The following IMMT variants were observed in gnomAD, a reference collection of about 807,000 sequenced individuals.
The protein encoded by IMMT is inner membrane mitochondrial protein, also known as MICOS complex subunit MIC60.
IMMT carries 40 observed loss-of-function variants against 92.7 expected under a neutral mutation model. The ratio of observed to expected loss-of-function variants is 0.43; its 90% CI spans 0.34 to 0.56. The LOEUF (loss-of-function observed/expected upper bound fraction) is 0.56, where lower values mean the gene tolerates loss of function less well. IMMT is among the 20% of genes least tolerant of loss of function. The pLI, the probability that IMMT is intolerant of heterozygous loss-of-function variation, is 0.03. For missense variants in IMMT, 831 were observed against 912.1 expected (o/e 0.91, Z 1.14); for synonymous variants, 322 against 336.1 (o/e 0.96, Z 0.46).
chr2:86,149,030 T>C (rs1366651076), intron 12 of IMMT, among the ~76,000 whole-genome samples: 4 of 148,726 alleles, frequency 2.7e-5, no homozygotes, highest in African/African-American at 5.3e-5. Flanking sequence ...GAGATTGTGA[T>C]ACATATTTCT....
At chr2:86,146,478 C>T (rs1319611916) in intron 13 of IMMT, among the ~76,000 whole-genome samples, 34 of 151,118 alleles carry the variant, frequency 2.2e-4, no homozygotes, top group Non-Finnish European at 5.9e-5. Context: ...TCAAGTGATT[C>T]TCCTGCCTCA....
At chr2:86,152,167 A>C (rs1675506832) in intron 11 of IMMT, among the ~76,000 whole-genome samples, 2 of 152,098 alleles carry the variant, frequency 1.3e-5, no homozygotes, top group African/African-American at 2.4e-5. Context: ...CCAGCCAGGC[A>C]CAGTGGCTCA....
chr2:86,166,247 C>T (rs868280862), intron 7 of IMMT, among the ~76,000 whole-genome samples: 1 of 152,300 alleles, frequency 6.6e-6, no homozygotes. Context: ...AGGAGAATCG[C>T]TTGAACCTGG....
At chr2:86,163,385 A>C (rs1676428911) in intron 7 of IMMT, among the ~76,000 whole-genome samples, 1 of 152,194 alleles carries the variant, frequency 6.6e-6, no homozygotes, top group African/African-American at 2.4e-5. Context: ...CCTATTTAGA[A>C]GTAGTGATGA....
rs1212863928 is a variant in IMMT at position 86,195,302 on chromosome 2, G to C, written c.45+36C>G. On this transcript the variant is annotated intron_variant, in intron 1 of 14. Transcript: ENST00000410111. ...GTTTTTCGCTGACGGTTCTAGTTCA[G>C]CCTCCTCACGCGCCTCCGGGAGCCC... The C allele has an allele frequency of 2.6e-6, 4 of 1,521,740 alleles. No individual in the cohort carries two copies. The South Asian group carries it at 4.9e-5, about 19-fold the overall frequency. The allele number at this position is 1,521,740 out of a possible 1,614,324, so 94.3% of individuals were successfully genotyped here. A position where few individuals can be genotyped will look rare whatever the true frequency, so the allele number is the denominator to read the frequency against.
chr2:86,184,105 ATTT>A (rs141085376), intron 1 of IMMT, among the ~76,000 whole-genome samples: 2 of 151,162 alleles, frequency 1.3e-5, no homozygotes, highest in African/African-American at 4.9e-5. Context: ...GTATTGTATC[ATTT>A]TTTTTTCATC....
chr2:86,175,121 C>A (rs995657373), intron 3 of IMMT, among the ~76,000 whole-genome samples: 4 of 152,126 alleles, frequency 2.6e-5, no homozygotes, highest in African/African-American at 9.7e-5. Flanking sequence ...CCTCTAATTT[C>A]TTTTCCTGTG....
At chr2:86,146,879 G>A (rs1197971254) in intron 13 of IMMT, among the ~76,000 whole-genome samples, 1 of 152,192 alleles carries the variant, frequency 6.6e-6, no homozygotes, top group Non-Finnish European at 1.5e-5. Flanking sequence ...TCATGCCTCA[G>A]CCTCCGGAGT....
chr2:86,149,105 C>T (rs563455998), intron 12 of IMMT, among the ~76,000 whole-genome samples: 34 of 152,292 alleles, frequency 2.2e-4, no homozygotes, highest in African/African-American at 7.5e-4. Context: ...TCCTTTTCCC[C>T]CACCTTACAT....
intron 3 of IMMT, among the ~76,000 whole-genome samples, chr2:86,179,231 A>G (rs906231129): frequency 6.6e-6 from 1 of 152,208 alleles, no homozygotes; most frequent in Admixed American, 6.5e-5. Context: ...TTTAAAGTAT[A>G]TGGGAGGGTA....
At chr2:86,168,695 G>A (rs34640754) in intron 6 of IMMT, among the ~76,000 whole-genome samples, 1 of 152,152 alleles carries the variant, frequency 6.6e-6, no homozygotes, top group African/African-American at 2.4e-5. Context: ...GAGAAAAAAA[G>A]ATGATTTTGA....
At chr2:86,156,330 G>A (rs866810194) in intron 10 of IMMT, among the ~76,000 whole-genome samples, 3 of 152,100 alleles carry the variant, frequency 2.0e-5, no homozygotes, top group African/African-American at 4.8e-5. Flanking sequence ...GGTGTCTCAC[G>A]CCTGTAATCC....
chr2:86,186,155 A>G (rs1672754370), intron 1 of IMMT, among the ~76,000 whole-genome samples: 1 of 152,198 alleles, frequency 6.6e-6, no homozygotes, highest in African/African-American at 2.4e-5. Context: ...TACCCTAGGG[A>G]CCACATTCAA....
At chr2:86,154,763 A>T (rs1446671728) in intron 10 of IMMT, among the ~76,000 whole-genome samples, 1 of 152,208 alleles carries the variant, frequency 6.6e-6, no homozygotes, top group South Asian at 2.1e-4. Flanking sequence ...CACCACAATC[A>T]CAAGTATCAC....
intron 7 of IMMT, among the ~76,000 whole-genome samples, chr2:86,164,905 C>T (rs1037793524): frequency 6.6e-6 from 1 of 152,160 alleles, no homozygotes; most frequent in Non-Finnish European, 1.5e-5. Flanking sequence ...CCAAATCCAA[C>T]TCTTCACAAA....
chr2:86,181,230 C>T, intron 2 of IMMT, 69 bp downstream of exon 2: 1 of 1,189,328 alleles, frequency 8.4e-7, no homozygotes, highest in Non-Finnish European at 1.3e-6. Flanking sequence ...TTCCCATATT[C>T]AAGGAAAACA....
Position 86,154,872 on chromosome 2 carries a change from C to T in IMMT, c.1163-1298G>A, listed in dbSNP as rs1675737421. On this transcript the variant is annotated intron_variant, in intron 10 of 14. Coordinates refer to ENST00000410111, the MANE Select transcript of IMMT (RefSeq NM_006839.3). ...TGCTGAACATCCTGGTATGAACGTC[C>T]TTTTTTTTTTTGAGACGGAGTCTCC... Among the ~76,000 whole-genome samples, 5 of 146,800 alleles carry T rather than the reference C, an allele frequency of 3.4e-5. No homozygotes were observed. The East Asian group carries it at 9.9e-4, about 29-fold the overall frequency.
chr2:86,166,193 T>C (rs924104263), intron 7 of IMMT, among the ~76,000 whole-genome samples: 3 of 152,078 alleles, frequency 2.0e-5, no homozygotes, highest in African/African-American at 4.8e-5. Context: ...TAGCCGGGTA[T>C]GGTGGCGGGA....
chr2:86,152,719 C>T (rs1201323362), intron 11 of IMMT, among the ~76,000 whole-genome samples: 1 of 151,846 alleles, frequency 6.6e-6, no homozygotes, highest in Non-Finnish European at 1.5e-5. Flanking sequence ...TGAAATTGTG[C>T]CACTGCACTC....
Sources: allele counts gnomAD v4.1 joint callset (sites outside exome capture counted in the v4.1 genomes callset), GRCh38; gene constraint gnomAD v4.1.1; transcripts MANE v1.5; gene names NCBI Gene and HGNC (gene_info 2026-07-23, HGNC 2026-07-21).